Variants in SDK1 observed in about 807,000 individuals in gnomAD.
The protein encoded by SDK1 is sidekick cell adhesion molecule 1.
In SDK1, 157 loss-of-function variants were observed where a neutral mutation model predicts 245.5. The observed-to-expected ratio is 0.64, with a 90% CI of 0.56 to 0.73. The LOEUF is 0.73. Among genes scored for constraint, SDK1 ranks in the 30% least tolerant of loss-of-function variants. The pLI is 0.00. For missense variants in SDK1, 3,583 were observed against 3,002.3 expected, an observed-to-expected ratio of 1.19 and a Z score of -4.52; for synonymous variants, 1,647 against 1,278.5, an observed-to-expected ratio of 1.29 and a Z score of -6.15.
At chr7:4,169,456 C>T (rs908637515) in intron 32 of SDK1, among the ~76,000 whole-genome samples, 6 of 152,186 alleles carry the variant, frequency 3.9e-5, no homozygotes, top group Non-Finnish European at 7.3e-5. Flanking sequence ...GAGGGCCAGC[C>T]CTTCTCCCCT....
intron 35 of SDK1, among the ~76,000 whole-genome samples, chr7:4,185,235 T>G (rs1438430801): frequency 6.6e-6 from 1 of 152,176 alleles, no homozygotes; most frequent in Non-Finnish European, 1.5e-5. Flanking sequence ...GAAATTTTTC[T>G]GGTGGAGGTA....
At chr7:3,635,632 G>T (rs1037568379) in intron 2 of SDK1, among the ~76,000 whole-genome samples, 3 of 152,152 alleles carry the variant, frequency 2.0e-5, no homozygotes, top group Non-Finnish European at 2.9e-5. Flanking sequence ...ACATCTTTTT[G>T]GGTGGGTAAA....
intron 1 of SDK1, among the ~76,000 whole-genome samples, chr7:3,443,668 T>C (rs1780261171): frequency 6.6e-6 from 1 of 152,240 alleles, no homozygotes; most frequent in Admixed American, 6.5e-5. Context: ...TGTGCTTACT[T>C]TCTTCATTTG....
At chr7:3,603,672 G>C (rs935199080) in intron 1 of SDK1, among the ~76,000 whole-genome samples, 2 of 152,068 alleles carry the variant, frequency 1.3e-5, no homozygotes, top group African/African-American at 4.8e-5. Context: ...AATACCCTTT[G>C]TTTCCTTCTC....
chr7:3,636,150 A>G (rs545781809), intron 2 of SDK1, among the ~76,000 whole-genome samples: 1 of 152,132 alleles, frequency 6.6e-6, no homozygotes, highest in African/African-American at 2.4e-5. Flanking sequence ...TTTCACCACT[A>G]TATGTGGCAT....
At chr7:3,884,803 G>A (rs899114777) in intron 5 of SDK1, among the ~76,000 whole-genome samples, 1 of 152,194 alleles carries the variant, frequency 6.6e-6, no homozygotes, top group South Asian at 2.1e-4. Flanking sequence ...AACTTGTGAA[G>A]GACAAGGTAA....
intron 1 of SDK1, among the ~76,000 whole-genome samples, chr7:3,417,493 A>C (rs571790862): frequency 1.1e-4 from 16 of 152,012 alleles, no homozygotes; most frequent in African/African-American, 3.9e-4. Context: ...GTCAAGTTCT[A>C]ACTCTTCAAG....
intron 22 of SDK1, among the ~76,000 whole-genome samples, chr7:4,095,606 T>C (rs562253325): frequency 6.6e-6 from 1 of 152,292 alleles, no homozygotes; most frequent in African/African-American, 2.4e-5. Context: ...GGAGTCTCGC[T>C]CTGTCTCACA....
chr7:3,819,645 TATA>T (rs1779594419), intron 4 of SDK1, among the ~76,000 whole-genome samples: 1 of 152,066 alleles, frequency 6.6e-6, no homozygotes, highest in Non-Finnish European at 1.5e-5. Context: ...CATAAATAAT[TATA>T]ATAAAACTCT....
At chr7:3,693,719 A>T (rs961031482) in intron 4 of SDK1, among the ~76,000 whole-genome samples, 1 of 152,160 alleles carries the variant, frequency 6.6e-6, no homozygotes, top group African/African-American at 2.4e-5. Flanking sequence ...CAGGAGGTCT[A>T]GTTTCACATC....
intron 4 of SDK1, among the ~76,000 whole-genome samples, chr7:3,765,128 CACTGGTT>C (rs1301580814): frequency 6.6e-6 from 1 of 152,112 alleles, no homozygotes; most frequent in East Asian, 1.9e-4. Context: ...ATTTGAGAAT[CACTGGTT>C]TAGCTTGTAC....
chr7:3,896,442 A>T (rs990375331), intron 5 of SDK1, among the ~76,000 whole-genome samples: 7 of 152,128 alleles, frequency 4.6e-5, no homozygotes, highest in Non-Finnish European at 1.0e-4. Flanking sequence ...GTATGCACAG[A>T]TCAACACTCA....
At chr7:3,813,532 T>TCCAA (rs1583441084) in intron 4 of SDK1, among the ~76,000 whole-genome samples, 3 of 149,434 alleles carry the variant, frequency 2.0e-5, no homozygotes, top group Non-Finnish European at 4.4e-5. Context: ...TTGGGTTGGT[T>TCCAA]CCAAGTCTTT....
intron 11 of SDK1, among the ~76,000 whole-genome samples, chr7:3,970,678 G>A (rs1782423685): frequency 2.0e-5 from 3 of 152,224 alleles, no homozygotes; most frequent in African/African-American, 7.2e-5. Context: ...CTGGGATAAC[G>A]CTTTGGTGGC....
At chr7:4,061,606 A>T (rs1280431546) in intron 19 of SDK1, among the ~76,000 whole-genome samples, 8 of 152,128 alleles carry the variant, frequency 5.3e-5, no homozygotes. Flanking sequence ...TAGAAATACC[A>T]TTTGACCCAG....
At chr7:3,391,670 T>C (rs1169943808) in intron 1 of SDK1, among the ~76,000 whole-genome samples, 7 of 146,788 alleles carry the variant, frequency 4.8e-5, no homozygotes, top group African/African-American at 1.5e-4. Context: ...AGGGTCTTGC[T>C]CTGTCTCCTG....
At chr7:4,039,830 AG>A (rs1363986039) in intron 17 of SDK1, among the ~76,000 whole-genome samples, 2 of 152,182 alleles carry the variant, frequency 1.3e-5, no homozygotes. Flanking sequence ...AACGAAGGGA[AG>A]GGGGTGGGGG....
At chr7:4,135,238 A>G (rs1474542644) in intron 28 of SDK1, among the ~76,000 whole-genome samples, 2 of 152,348 alleles carry the variant, frequency 1.3e-5, no homozygotes, top group African/African-American at 2.4e-5. Context: ...TGGCACCATA[A>G]GTAGCTGTGA....
At position 3,764,417 on chromosome 7, in the gene SDK1, G is replaced by A. The variant is rs982810855; in HGVS notation, c.714-57033G>A. The stretch of plus-strand genomic sequence containing the variant: ...ATAACCATCCTAGGCCGGGCACAGT[G>A]ACTCATGCCTGTAATCCCAACACTT... On this transcript the variant is annotated intron_variant, in intron 4 of 44. Transcript: ENST00000404826. Among the ~76,000 whole-genome samples, 3 of 152,314 alleles carry A rather than the reference G, an allele frequency of 2.0e-5. No individual in the cohort carries two copies. The South Asian group carries it at 6.2e-4, about 32-fold the overall frequency.
Sources: allele counts gnomAD v4.1 joint callset (sites outside exome capture counted in the v4.1 genomes callset), GRCh38; gene constraint gnomAD v4.1.1; transcripts MANE v1.5; gene names NCBI Gene and HGNC (gene_info 2026-07-23, HGNC 2026-07-21).